The following IQCM variants were observed in gnomAD, a reference collection of about 807,000 sequenced individuals.
The protein encoded by IQCM is IQ domain-containing protein M.
IQCM carries 45 observed loss-of-function variants against 57.6 expected under a neutral mutation model. The ratio of observed to expected loss-of-function variants is 0.78; its 90% CI spans 0.62 to 1.00. The LOEUF is 1.00. Among genes scored for constraint, IQCM ranks in the 50% least tolerant of loss-of-function variants. The pLI is 0.00. For synonymous variants in IQCM, 148 were observed against 158.9 expected (o/e 0.93, Z 0.51); for missense variants, 468 against 511.6 (o/e 0.91, Z 0.82).
At chr4:149,409,848 G>A (rs1425309220) in intron 13 of IQCM, among the ~76,000 whole-genome samples, 1 of 152,166 alleles carries the variant, frequency 6.6e-6, no homozygotes, top group Non-Finnish European at 1.5e-5. Flanking sequence ...TCTCCTGCCA[G>A]CTGGCCTTAT....
At chr4:149,430,596 G>A (rs1734766379) in intron 13 of IQCM, among the ~76,000 whole-genome samples, 1 of 151,958 alleles carries the variant, frequency 6.6e-6, no homozygotes, top group East Asian at 1.9e-4. Context: ...GAATCATATA[G>A]TATGTACTCT....
At chr4:149,806,910 A>C (rs1213123942) in intron 2 of IQCM, among the ~76,000 whole-genome samples, 1 of 151,924 alleles carries the variant, frequency 6.6e-6, no homozygotes, top group Non-Finnish European at 1.5e-5. Context: ...TCAAGAAAAC[A>C]ATCCCATTTA....
At chr4:149,453,320 C>T (rs558042662) in intron 12 of IQCM, among the ~76,000 whole-genome samples, 4 of 151,596 alleles carry the variant, frequency 2.6e-5, no homozygotes, top group Admixed American at 6.6e-5. Flanking sequence ...TATAACAACA[C>T]CAAACTCACA....
chr4:149,530,452 G>A (rs890709534), intron 12 of IQCM, among the ~76,000 whole-genome samples: 13 of 152,022 alleles, frequency 8.6e-5, no homozygotes, highest in African/African-American at 3.1e-4. Context: ...GGAACAACCA[G>A]GAAAGCAATC....
chr4:149,643,400 T>C (rs998162664), intron 7 of IQCM, among the ~76,000 whole-genome samples: 2 of 152,192 alleles, frequency 1.3e-5, no homozygotes, highest in Admixed American at 1.3e-4. Context: ...TAGATGTATG[T>C]TATGGAGGCT....
chr4:149,460,979 A>G (rs969148662), intron 12 of IQCM, among the ~76,000 whole-genome samples: 4 of 152,182 alleles, frequency 2.6e-5, no homozygotes, highest in African/African-American at 9.7e-5. Flanking sequence ...TCATGCCTGT[A>G]ATCCCAGCAT....
At chr4:149,741,881 T>A (rs1767489293) in intron 3 of IQCM, among the ~76,000 whole-genome samples, 1 of 152,304 alleles carries the variant, frequency 6.6e-6, no homozygotes, top group Admixed American at 6.5e-5. Context: ...ATAGAGGTAA[T>A]AATTTTACAA....
At chr4:149,637,297 A>T (rs900312249) in intron 7 of IQCM, among the ~76,000 whole-genome samples, 1 of 152,172 alleles carries the variant, frequency 6.6e-6, no homozygotes, top group Non-Finnish European at 1.5e-5. Context: ...TAGTTTCAAG[A>T]CTTTGAGTAT....
At chr4:149,363,501 T>C (rs1201759199) in intron 13 of IQCM, among the ~76,000 whole-genome samples, 1 of 152,194 alleles carries the variant, frequency 6.6e-6, no homozygotes, top group Non-Finnish European at 1.5e-5. Context: ...TGACTATATA[T>C]GTATCTACAT....
At chr4:149,547,813 G>C (rs753024645) in intron 12 of IQCM, among the ~76,000 whole-genome samples, 1 of 151,952 alleles carries the variant, frequency 6.6e-6, no homozygotes, top group Non-Finnish European at 1.5e-5. Flanking sequence ...CTTTGACAAA[G>C]CTGGGGAAAA....
intron 10 of IQCM, among the ~76,000 whole-genome samples, chr4:149,556,681 A>T (rs1400187063): frequency 1.3e-5 from 2 of 152,232 alleles, no homozygotes; most frequent in Non-Finnish European, 2.9e-5. Flanking sequence ...CTAAATAGTT[A>T]TCTCGATCGC....
At chr4:149,692,456 GT>G (rs1378596264) in intron 5 of IQCM, among the ~76,000 whole-genome samples, 1 of 151,970 alleles carries the variant, frequency 6.6e-6, no homozygotes, top group African/African-American at 2.4e-5. Context: ...TAATGAGCTT[GT>G]GTTAATACAA....
chr4:149,709,281 AG>A (rs764850583), intron 5 of IQCM, among the ~76,000 whole-genome samples: 7 of 152,086 alleles, frequency 4.6e-5, no homozygotes, highest in African/African-American at 7.2e-5. Flanking sequence ...GCCAAATGAA[AG>A]TAAGGTTTAA....
At chr4:149,730,631 C>A (rs1256717500) in intron 5 of IQCM, among the ~76,000 whole-genome samples, 1 of 152,144 alleles carries the variant, frequency 6.6e-6, no homozygotes, top group Non-Finnish European at 1.5e-5. Flanking sequence ...TTTTCTTTCT[C>A]TTTTGAGTTA....
chr4:149,387,262 A>C (rs1731492871), intron 13 of IQCM, among the ~76,000 whole-genome samples: 1 of 151,994 alleles, frequency 6.6e-6, no homozygotes, highest in Non-Finnish European at 1.5e-5. Flanking sequence ...TCCCATTCAT[A>C]AGGGCTTCAT....
chr4:149,647,335 A>G (rs1758735107), intron 7 of IQCM, among the ~76,000 whole-genome samples: 1 of 142,752 alleles, frequency 7.0e-6, no homozygotes, highest in Non-Finnish European at 1.6e-5. Context: ...TCTCCCTTCT[A>G]AGAACATTTT....
chr4:149,765,421 G>A (rs1769949430), intron 2 of IQCM, among the ~76,000 whole-genome samples: 1 of 152,154 alleles, frequency 6.6e-6, no homozygotes, highest in Non-Finnish European at 1.5e-5. Flanking sequence ...TTATGACACT[G>A]AGAGAAATCT....
intron 13 of IQCM, among the ~76,000 whole-genome samples, chr4:149,368,989 CGT>C (rs1274162740): frequency 6.7e-5 from 1 of 14,922 alleles, no homozygotes; most frequent in East Asian, 2.4e-3. Context: ...TATATATACA[CGT>C]GTATATATAT....
chr4:149,692,054 T>C (rs1445526375), intron 5 of IQCM, among the ~76,000 whole-genome samples: 1 of 152,174 alleles, frequency 6.6e-6, no homozygotes, highest in Non-Finnish European at 1.5e-5. Flanking sequence ...ATATTTTCCA[T>C]ACCCCTTTAA....
Sources: allele counts gnomAD v4.1 joint callset (sites outside exome capture counted in the v4.1 genomes callset), GRCh38; gene constraint gnomAD v4.1.1; transcripts MANE v1.5; gene names NCBI Gene and HGNC (gene_info 2026-07-23, HGNC 2026-07-21).